The following ATAD5 variants were observed in gnomAD, a reference collection of about 807,000 sequenced individuals.
The protein encoded by ATAD5 is ATPase family AAA domain-containing protein 5.
Under a neutral mutation model 176.9 loss-of-function variants are expected in ATAD5, and 58 were observed. The observed-to-expected ratio is 0.33, with a 90% confidence interval of 0.27 to 0.41. ATAD5 has a LOEUF of 0.41. Among genes scored for constraint, ATAD5 ranks in the 10% least tolerant of loss-of-function variants. The probability of loss-of-function intolerance (pLI) is 1.00; values close to 1 mark genes in which losing one functional copy is unlikely to be tolerated. For synonymous variants in ATAD5, 640 were observed against 712.6 expected (o/e 0.90, Z 1.62); for missense variants, 1,789 against 2,094.1 (o/e 0.85, Z 2.84).
chr17:30,851,327 T>A (rs1246995638), intron 6 of ATAD5, among the ~76,000 whole-genome samples: 1 of 150,378 alleles, frequency 6.6e-6, no homozygotes, highest in African/African-American at 2.4e-5. Flanking sequence ...AAACCCCATC[T>A]CTACTAAAAA....
At chr17:30,858,830 G>A (rs1235857528) in intron 9 of ATAD5, among the ~76,000 whole-genome samples, 1 of 152,166 alleles carries the variant, frequency 6.6e-6, no homozygotes. Flanking sequence ...ACAGGCTTGC[G>A]CCACTGCACC....
chr17:30,855,360 C>T (rs1567685836), intron 7 of ATAD5, 33 bp downstream of exon 7: 1 of 1,531,712 alleles, frequency 6.5e-7, no homozygotes, highest in South Asian at 1.3e-5. Flanking sequence ...AATATTTACT[C>T]TTCAGCTGTT....
chr17:30,876,271 AT>A (rs752109356), intron 14 of ATAD5, 102 bp from the exon 15 acceptor site: 70 of 1,017,780 alleles, frequency 6.9e-5, no homozygotes, highest in Non-Finnish European at 9.5e-5. Context: ...TGTGTCTTTG[AT>A]TTTTAACTGT....
rs763792851 is a variant in ATAD5, at chr17:30,856,961, G to C, written c.2642G>C (p.Cys881Ser). The C allele has an allele frequency of 1.3e-6, 2 of 1,583,850 alleles. No homozygotes were observed. The highest frequency in any genetic ancestry group is 1.2e-5 in the South Asian group (1 of 85,240). Reference protein sequence around the residue: ...VHVQQKDDGCCLWHLKPPSCP... With the variant: ...VHVQQKDDGCSLWHLKPPSCP... ...TTTGTCTATTTTTCTTTAGGGTGTT[G>C]TTTGTGGCATTTGAAACCACCCTCT... The change falls in exon 8 of 23, where the codon TGT becomes TCT. Residue 881 changes from cysteine to serine, a missense_variant. Cys to Ser is a moderately radical substitution (Grantham distance 112). This residue lies in a region of ATAD5 where 487 missense variants were observed against 573.6 expected (regional missense o/e 0.85). Coordinates refer to ENST00000321990, the MANE Select transcript of ATAD5 (RefSeq NM_024857.5).
chr17:30,839,476 C>T (rs1049756513), intron 3 of ATAD5, among the ~76,000 whole-genome samples: 2 of 151,590 alleles, frequency 1.3e-5, no homozygotes, highest in Non-Finnish European at 2.9e-5. Flanking sequence ...GGGGTTTCAC[C>T]GTGTTAGCCA....
At chr17:30,846,396 G>GTT (rs11324585) in intron 6 of ATAD5, among the ~76,000 whole-genome samples, 6 of 143,268 alleles carry the variant, frequency 4.2e-5, no homozygotes, top group Admixed American at 7.0e-5. Flanking sequence ...AGAGTTTGAG[G>GTT]TTTTTTTTTT....
intron 6 of ATAD5, among the ~76,000 whole-genome samples, chr17:30,848,580 G>A (rs1906675635): frequency 6.6e-6 from 1 of 152,110 alleles, no homozygotes; most frequent in East Asian, 1.9e-4. Flanking sequence ...TTCAAAGTGT[G>A]TATTTTGGTG....
In ATAD5 at chr17:30,832,411, G is replaced by T; in HGVS notation, c.64G>T (p.Glu22Ter). The change falls in exon 1 of 23, where the codon GAG becomes TAG. Residue 22 changes from glutamate to a stop codon, truncating the protein, a stop_gained and splice_region_variant. Coordinates refer to ENST00000321990, the MANE Select transcript of ATAD5 (RefSeq NM_024857.5). LOFTEE classifies it high-confidence loss of function. ...GCCTCCCGTGAAGGACTGCGAGATT[G>T]AGGTGAGGTTGAGTCGAGGATCTGT... ...APPPVKDCEI[E>*]PCKKRKKDDD... The T allele has an allele frequency of 6.4e-7, 1 of 1,565,770 alleles. No individual in the cohort carries two copies. The highest frequency in any genetic ancestry group is 1.8e-5 in the Admixed American group (1 of 54,776).
At chr17:30,890,255 C>T (rs947744286) in intron 19 of ATAD5, among the ~76,000 whole-genome samples, 6 of 151,914 alleles carry the variant, frequency 3.9e-5, no homozygotes, top group Non-Finnish European at 8.8e-5. Context: ...ATAGCTTTAA[C>T]CATTTCTCAA....
At position 30,860,550 on chromosome 17, in the gene ATAD5, G is replaced by C; in HGVS notation, c.3074G>C (p.Arg1025Thr). Residue 1025 changes from arginine (R) to threonine (T), a missense_variant, in exon 10 of 23, where the codon AGG becomes ACG. Arg to Thr is a moderately conservative substitution (Grantham distance 71). Around this residue, in one of 6 missense-constraint regions of ATAD5, gnomAD observed 487 missense variants for 573.6 expected, o/e 0.85. Transcript: ENST00000321990. Reference sequence around the variant, plus strand: ...TCAAAAAATCTGGAGAAGACCAATAGGAAGTCAGAAGAACTTAGCAAAAGA... The same window carrying C: ...TCAAAAAATCTGGAGAAGACCAATACGAAGTCAGAAGAACTTAGCAAAAGA... ...EYSKNLEKTN[R>T]KSEELSKRNN... 1 of 1,595,730 alleles carries C rather than the reference G, an allele frequency of 6.3e-7. No individual in the cohort carries two copies. The highest frequency in any genetic ancestry group is 1.2e-5 in the South Asian group (1 of 86,908).
intron 14 of ATAD5, among the ~76,000 whole-genome samples, chr17:30,874,101 G>T (rs1336777828): frequency 6.6e-6 from 1 of 151,972 alleles, no homozygotes; most frequent in Non-Finnish European, 1.5e-5. Flanking sequence ...GGAGGTGGAG[G>T]TTACAGTGAG....
intron 15 of ATAD5, among the ~76,000 whole-genome samples, chr17:30,877,014 G>A (rs1444759192): frequency 6.7e-6 from 1 of 149,040 alleles, no homozygotes; most frequent in Non-Finnish European, 1.5e-5. Flanking sequence ...ACCACGCCCA[G>A]CTTGTTTCAG....
chr17:30,877,801 A>G (rs548963515), intron 16 of ATAD5, among the ~76,000 whole-genome samples: 1 of 152,328 alleles, frequency 6.6e-6, no homozygotes, highest in African/African-American at 2.4e-5. Flanking sequence ...GTCTAGTTAT[A>G]GGTGGCTGCG....
At chr17:30,883,256 C>A (rs148429419) in intron 18 of ATAD5, among the ~76,000 whole-genome samples, 1 of 151,926 alleles carries the variant, frequency 6.6e-6, no homozygotes, top group East Asian at 1.9e-4. Context: ...TCCTGAGTAG[C>A]TAGGACCATA....
In ATAD5 at chr17:30,869,581, A is replaced by G. The variant is rs772562125; in HGVS notation, c.3542A>G (p.Asp1181Gly). The part of the protein sequence containing the change: ...LKEATQSHQV[D>G]KQGVNSQKPC... ...GAAGCTACTCAGTCCCATCAAGTAGACAAACAAGGTGTAAACTCACAAAAA... is the reference window on the plus strand; with the variant it reads ...GAAGCTACTCAGTCCCATCAAGTAGGCAAACAAGGTGTAAACTCACAAAAA... The change falls in exon 14 of 23, where the codon GAC (aspartate) becomes GGC (glycine). Residue 1181 changes from aspartate (D) to glycine (G), a missense_variant. Physicochemically the swap from Asp to Gly is moderately conservative, Grantham distance 94. Transcript: ENST00000321990. 5.0e-6 allele frequency: 8 copies of G among 1,608,904 alleles called. No individual in the cohort carries two copies. In the East Asian group the frequency reaches 1.8e-4, roughly 36 times the overall value.
intron 9 of ATAD5, 91 bp from the exon 10 acceptor site, chr17:30,860,342 T>C (rs1024687287): frequency 3.5e-6 from 5 of 1,428,520 alleles, no homozygotes; most frequent in Admixed American, 2.6e-5. Flanking sequence ...CATTTTAAAG[T>C]TACAAGACTA....
intron 9 of ATAD5, among the ~76,000 whole-genome samples, chr17:30,858,694 CT>C (rs201054145): frequency 6.7e-6 from 1 of 150,160 alleles, no homozygotes; most frequent in African/African-American, 2.4e-5. Context: ...CCTATTTTTT[CT>C]TTTTTTTTAG....
Position 30,832,219 on chromosome 17 carries a change from G to A in ATAD5, c.-129G>A, listed in dbSNP as rs1000276862. The A allele has an allele frequency of 2.9e-6, 2 of 679,156 alleles. No homozygotes were observed. Among genetic ancestry groups the A allele is most frequent in the East Asian group, 3.1e-5 (1 of 32,614 alleles). The allele number at this position is 679,156 out of a possible 1,614,324, so 42.1% of individuals were successfully genotyped here. A position where few individuals can be genotyped will look rare whatever the true frequency, so the allele number is the denominator to read the frequency against. ...CCGCTCTCTGTCGGTGGGCGCGGGG[G>A]AATCCGAAACGGCTCAGCAGAATCC... On this transcript the variant is annotated 5_prime_UTR_variant, in exon 1 of 23. Transcript: ENST00000321990.
rs896689678 is a variant in ATAD5, at chr17:30,868,407, A to G, written c.3308A>G (p.His1103Arg). The G allele has an allele frequency of 1.3e-6, 2 of 1,555,254 alleles. No individual in the cohort carries two copies. The highest frequency in any genetic ancestry group is 1.7e-6 in the Non-Finnish European group (2 of 1,156,698). Residue 1103 changes from histidine to arginine, a missense_variant, in exon 12 of 23, where the codon CAT (histidine) becomes CGT (arginine). His to Arg is a conservative substitution (Grantham distance 29). Around this residue, in one of 6 missense-constraint regions of ATAD5, gnomAD observed 487 missense variants for 573.6 expected, o/e 0.85. Coordinates refer to ENST00000321990, the MANE Select transcript of ATAD5 (RefSeq NM_024857.5). ...CTGAAGGGAAAAAGAGATGAGAAAC[A>G]TGAAGGTATTTTGTGTGTCTTTTTT... Reference protein sequence around the residue: ...QNLKGKRDEKHEDFSGGIDFK... With the variant: ...QNLKGKRDEKREDFSGGIDFK...
Sources: gnomAD v4.1 joint callset for allele counts (sites outside exome capture counted in the v4.1 genomes callset) on GRCh38, gnomAD v4.1.1 for gene constraint, gnomAD v4.1.1 regional missense constraint, MANE v1.5 for transcripts, NCBI Gene and HGNC (gene_info 2026-07-23, HGNC 2026-07-21) for gene names.